The following MINDY3 variants were observed in gnomAD, a reference collection of about 807,000 sequenced individuals.
The protein encoded by MINDY3 is MINDY lysine 48 deubiquitinase 3.
In MINDY3, 38 loss-of-function variants were observed where a neutral mutation model predicts 69.2. That is an observed-to-expected ratio of 0.55 (90% CI 0.42 to 0.72). The LOEUF is 0.72. Ranked by LOEUF, MINDY3 falls within the 30% of genes least tolerant of loss-of-function variation. The pLI, the probability that MINDY3 is intolerant of heterozygous loss-of-function variation, is 0.00. For missense variants in MINDY3, 522 were observed against 519.0 expected, an observed-to-expected ratio of 1.01 and a Z score of -0.06; for synonymous variants, 192 against 180.1, an observed-to-expected ratio of 1.07 and a Z score of -0.53.
intron 10 of MINDY3, among the ~76,000 whole-genome samples, chr10:15,797,072 G>A (rs187075074): frequency 8.6e-5 from 13 of 152,000 alleles, no homozygotes; most frequent in Admixed American, 5.9e-4. Context: ...CATCTAAACT[G>A]CTGTTCCCCT....
chr10:15,789,610 T>G (rs752139606), intron 11 of MINDY3, among the ~76,000 whole-genome samples: 3 of 152,140 alleles, frequency 2.0e-5, no homozygotes, highest in Non-Finnish European at 4.4e-5. Flanking sequence ...GTTAAGTGGG[T>G]AAAATATTTT....
intron 8 of MINDY3, among the ~76,000 whole-genome samples, chr10:15,822,562 G>C (rs577894718): frequency 6.6e-6 from 1 of 152,270 alleles, no homozygotes; most frequent in East Asian, 1.9e-4. Context: ...TCTGGTCTGG[G>C]GGGACATGAT....
chr10:15,850,974 T>G (rs115371371), intron 1 of MINDY3, among the ~76,000 whole-genome samples: 3,153 of 152,208 alleles, frequency 0.021, 85 homozygotes, highest in African/African-American at 0.068. Flanking sequence ...AAATATTGGG[T>G]GCTGGTTCCC....
intron 8 of MINDY3, among the ~76,000 whole-genome samples, chr10:15,826,129 T>C (rs930639392): frequency 7.2e-5 from 11 of 152,150 alleles, no homozygotes; most frequent in African/African-American, 2.2e-4. Context: ...GAAATGAAGA[T>C]GGATGGCAGG....
At chr10:15,833,917 C>T (rs1832906141) in intron 7 of MINDY3, among the ~76,000 whole-genome samples, 1 of 151,938 alleles carries the variant, frequency 6.6e-6, no homozygotes, top group Non-Finnish European at 1.5e-5. Context: ...TATTGTTCTA[C>T]ATATTCACAT....
intron 11 of MINDY3, among the ~76,000 whole-genome samples, chr10:15,792,485 A>ATCCC (rs1837494371): frequency 1.3e-5 from 2 of 152,120 alleles, no homozygotes; most frequent in South Asian, 2.1e-4. Flanking sequence ...CCTGACAGAA[A>ATCCC]CAGTGCTAAC....
Position 15,860,365 on chromosome 10 carries a change from A to G in MINDY3, c.-66T>C. On this transcript the variant is annotated 5_prime_UTR_variant, in exon 1 of 15. Transcript: ENST00000277632. Reference sequence around the variant, plus strand: ...TGCCCCGGAACATGGGGAAGGGGCAACTCCGGAAACAGCAGCTGCGGGACG... The same window carrying G: ...TGCCCCGGAACATGGGGAAGGGGCAGCTCCGGAAACAGCAGCTGCGGGACG... The G allele has an allele frequency of 8.6e-7, 1 of 1,161,446 alleles. No homozygotes were observed. Among genetic ancestry groups the G allele is most frequent in the Non-Finnish European group, 1.3e-6 (1 of 793,740 alleles). The allele number at this position is 1,161,446 out of a possible 1,614,324, so 71.9% of individuals were successfully genotyped here.
At chr10:15,848,526 C>T (rs1001231970) in intron 1 of MINDY3, among the ~76,000 whole-genome samples, 3 of 147,020 alleles carry the variant, frequency 2.0e-5, no homozygotes, top group African/African-American at 7.4e-5. Context: ...CCCAGCTACT[C>T]GGGAGGCTGA....
At chr10:15,810,571 G>A (rs979116421) in intron 10 of MINDY3, among the ~76,000 whole-genome samples, 5 of 151,992 alleles carry the variant, frequency 3.3e-5, no homozygotes, top group Non-Finnish European at 7.4e-5. Flanking sequence ...CACACCTCCC[G>A]ACCCCCAACT....
At chr10:15,849,149 C>G (rs1388482646) in intron 1 of MINDY3, among the ~76,000 whole-genome samples, 3 of 152,178 alleles carry the variant, frequency 2.0e-5, no homozygotes, top group Non-Finnish European at 4.4e-5. Context: ...TCTATACTAT[C>G]ATAACAGATA....
chr10:15,837,416 A>G, intron 5 of MINDY3, 98 bp from the exon 6 acceptor site: 1 of 1,214,060 alleles, frequency 8.2e-7, no homozygotes, highest in Non-Finnish European at 1.2e-6. Flanking sequence ...TAAAACATAT[A>G]CATACAAACA....
At chr10:15,785,945 A>T (rs1224048840) in intron 13 of MINDY3, among the ~76,000 whole-genome samples, 1 of 152,154 alleles carries the variant, frequency 6.6e-6, no homozygotes. Context: ...TAGTTAAGTA[A>T]TTTGATTTAG....
rs542989206 is a variant in MINDY3 at position 15,845,881 on chromosome 10, G to A, written c.174+1983C>T. Among the ~76,000 whole-genome samples, 16 of 138,266 alleles carry A rather than the reference G, an allele frequency of 1.2e-4. No homozygotes were observed. The South Asian group carries it at 3.5e-3, about 30-fold the overall frequency. The allele number at this position is 138,266 out of a possible 152,430, so 90.7% of individuals were successfully genotyped here. On this transcript the variant is annotated intron_variant, in intron 2 of 14. Coordinates refer to ENST00000277632, the MANE Select transcript of MINDY3 (RefSeq NM_024948.4). ...TCTTTCACCCGAGCTAGAGTGCAGT[G>A]GCGTGATCTCGGCTCACTGCAACCT...
chr10:15,838,310 A>G, intron 4 of MINDY3, 31 bp from the exon 5 acceptor site: 1 of 1,558,708 alleles, frequency 6.4e-7, no homozygotes, highest in South Asian at 1.2e-5. Context: ...TCAGCACTAC[A>G]CATGGCAAAT....
intron 14 of MINDY3, among the ~76,000 whole-genome samples, chr10:15,779,943 A>G (rs1836394216): frequency 6.6e-6 from 1 of 152,206 alleles, no homozygotes; most frequent in African/African-American, 2.4e-5. Context: ...ACTCATTACC[A>G]AGGGCTCACT....
At chr10:15,854,554 T>C (rs1163258053) in intron 1 of MINDY3, among the ~76,000 whole-genome samples, 1 of 152,046 alleles carries the variant, frequency 6.6e-6, no homozygotes, top group Non-Finnish European at 1.5e-5. Context: ...GGAGAAGAAG[T>C]AAATTTTAGA....
intron 9 of MINDY3, among the ~76,000 whole-genome samples, chr10:15,818,462 G>A (rs973577096): frequency 4.6e-5 from 7 of 152,030 alleles, no homozygotes; most frequent in African/African-American, 1.7e-4. Context: ...TCCTCAGAAA[G>A]TTAAAAATAG....
chr10:15,820,337 G>T (rs972244544), intron 9 of MINDY3, among the ~76,000 whole-genome samples: 1 of 152,052 alleles, frequency 6.6e-6, no homozygotes, highest in African/African-American at 2.4e-5. Context: ...AGAAAGCAAC[G>T]CAACTGCAAA....
chr10:15,794,599 G>C (rs985867891), intron 11 of MINDY3, among the ~76,000 whole-genome samples: 6 of 152,160 alleles, frequency 3.9e-5, no homozygotes, highest in African/African-American at 1.4e-4. Flanking sequence ...TTGTCTAAAA[G>C]AAATACAACA....
Sources: gnomAD v4.1 joint callset for allele counts (sites outside exome capture counted in the v4.1 genomes callset) on GRCh38, gnomAD v4.1.1 for gene constraint, MANE v1.5 for transcripts, NCBI Gene and HGNC (gene_info 2026-07-23, HGNC 2026-07-21) for gene names.